Variants in MYCBP2 observed in about 807,000 individuals in gnomAD.
The protein encoded by MYCBP2 is MYC binding protein 2.
In MYCBP2, 120 loss-of-function variants were observed where a neutral mutation model predicts 525.3. That is an observed-to-expected ratio of 0.23 (90% CI 0.20 to 0.27). MYCBP2 has a LOEUF of 0.27. Among genes scored for constraint, MYCBP2 ranks in the 10% least tolerant of loss-of-function variants. The pLI, the probability that MYCBP2 is intolerant of heterozygous loss-of-function variation, is 1.00. For missense variants in MYCBP2, 4,149 were observed against 5,657.1 expected, an observed-to-expected ratio of 0.73 and a Z score of 8.55; for synonymous variants, 1,894 against 1,955.8, an observed-to-expected ratio of 0.97 and a Z score of 0.83.
chr13:77,185,469 A>C, intron 31 of MYCBP2, 92 bp from the exon 32 acceptor site: 1 of 1,250,478 alleles, frequency 8.0e-7, no homozygotes, highest in Non-Finnish European at 1.1e-6. Flanking sequence ...CTATACAGCT[A>C]AGTATCACAA....
In MYCBP2 at chr13:77,126,478, G is replaced by A; in HGVS notation, c.7724C>T (p.Thr2575Ile). The part of the protein sequence containing the change: ...DINSCCPQEA[T>I]MQEQDMPFLR... ...GAATGGCATATCTTGTTCTTGCATT[G>A]TTGCTTCCTGTGGGCAGCAGGAGTT... Residue 2575 changes from threonine to isoleucine, a missense_variant, in exon 53 of 83, where the codon ACA (threonine) becomes ATA (isoleucine). Thr to Ile is a moderately conservative substitution (Grantham distance 89, BLOSUM62 -1). Coordinates refer to ENST00000544440, the MANE Select transcript of MYCBP2 (RefSeq NM_015057.5). 1.2e-6 allele frequency: 2 copies of A among 1,613,874 alleles called. No homozygotes were observed. The highest frequency in any genetic ancestry group is 2.2e-5 in the East Asian group (1 of 44,874).
intron 49 of MYCBP2, among the ~76,000 whole-genome samples, chr13:77,141,770 CA>C (rs34124996): frequency 0.26 from 21,128 of 81,610 alleles, 1,494 homozygotes; most frequent in South Asian, 0.48. Flanking sequence ...GACTCTGTCT[CA>C]AAAAAAAAAA....
At chr13:77,172,293 A>C (rs1280183822) in intron 37 of MYCBP2, among the ~76,000 whole-genome samples, 1 of 152,178 alleles carries the variant, frequency 6.6e-6, no homozygotes, top group Non-Finnish European at 1.5e-5. Flanking sequence ...AAGGAACAGA[A>C]TGAAGACATG....
chr13:77,168,711 T>C, intron 39 of MYCBP2, 65 bp from the exon 40 acceptor site: 1 of 1,412,596 alleles, frequency 7.1e-7, no homozygotes, highest in Non-Finnish European at 9.9e-7. Context: ...AATTATGCAT[T>C]ACAATAATTG....
intron 3 of MYCBP2, among the ~76,000 whole-genome samples, chr13:77,279,569 A>G (rs1413383631): frequency 6.6e-6 from 1 of 152,208 alleles, no homozygotes; most frequent in African/African-American, 2.4e-5. Flanking sequence ...CCAGTTCAAG[A>G]AGTATTAATT....
At chr13:77,125,519 T>A (rs772760884) in intron 53 of MYCBP2, 51 bp from the exon 54 acceptor site, 11 of 1,603,940 alleles carry the variant, frequency 6.9e-6, no homozygotes, top group Non-Finnish European at 5.1e-6. Flanking sequence ...TTCAGGGAAC[T>A]CAGTCTGAAA....
Position 77,061,783 on chromosome 13 carries a change from C to A in MYCBP2, c.12782G>T (p.Cys4261Phe). 6.3e-7 allele frequency: 1 copy of A among 1,594,172 alleles called. No individual in the cohort carries two copies. The highest frequency in any genetic ancestry group is 1.7e-5 in the Admixed American group (1 of 59,086). ...KDGQQKQMPM[C>F]DNHDDGETAA... is the part of the protein sequence containing the mutation. Reference sequence around the variant, plus strand: ...AGTTTCACCATCATCATGGTTATCACACATAGGCTAAAATAAGACATTTCC... The same window carrying A: ...AGTTTCACCATCATCATGGTTATCAAACATAGGCTAAAATAAGACATTTCC... The change falls in exon 75 of 83, where the codon TGT becomes TTT. Residue 4261 changes from cysteine (C) to phenylalanine (F), a missense_variant. Cys to Phe is a radical substitution (Grantham distance 205). This residue lies in a region of MYCBP2 where 220 missense variants were observed against 396.0 expected (regional missense o/e 0.56). Transcript: ENST00000544440.
At chr13:77,106,256 T>C (rs1440625231) in intron 55 of MYCBP2, among the ~76,000 whole-genome samples, 1 of 152,190 alleles carries the variant, frequency 6.6e-6, no homozygotes, top group African/African-American at 2.4e-5. Flanking sequence ...TTAAATTTCA[T>C]GAGTAAAAAT....
intron 55 of MYCBP2, among the ~76,000 whole-genome samples, chr13:77,113,837 C>T (rs995207934): frequency 2.6e-4 from 39 of 152,102 alleles, no homozygotes; most frequent in African/African-American, 9.2e-4. Flanking sequence ...AGATGTTAGC[C>T]CCAAAACTAA....
At chr13:77,312,365 A>G (rs949225752) in intron 1 of MYCBP2, among the ~76,000 whole-genome samples, 1 of 152,078 alleles carries the variant, frequency 6.6e-6, no homozygotes, top group African/African-American at 2.4e-5. Context: ...AGTACACATG[A>G]CTGTCGACAA....
At chr13:77,305,811 AG>A (rs2079347986) in intron 1 of MYCBP2, among the ~76,000 whole-genome samples, 1 of 152,194 alleles carries the variant, frequency 6.6e-6, no homozygotes, top group African/African-American at 2.4e-5. Flanking sequence ...CAATAGAAAC[AG>A]AAAAAGTATT....
chr13:77,248,142 C>CA (rs71203041), intron 15 of MYCBP2, among the ~76,000 whole-genome samples: 52,607 of 141,434 alleles, frequency 0.37, 11,983 homozygotes, highest in African/African-American at 0.62. Context: ...AAAGTATAAT[C>CA]AAAAAAAAAA....
In MYCBP2 at chr13:77,144,240, A is replaced by C. The variant is rs76340465; in HGVS notation, c.7303+205T>G. On this transcript the variant is annotated intron_variant, in intron 49 of 82. Transcript: ENST00000544440. ...GGAGGGAGAGAGTCATGAGGGCTAC[A>C]GTGCCTGGGCGGACACCAGAAATTA... is the stretch of plus-strand genomic sequence containing the variant. 2.3e-3 allele frequency: 1,258 copies of C among 542,642 alleles called. 9 individuals are homozygous for C. The highest frequency in any genetic ancestry group is 0.021 in the African/African-American group (1,121 of 52,680). 33.6% of individuals were successfully genotyped at this position (542,642 alleles called of 1,614,324 possible). A position where few individuals can be genotyped will look rare whatever the true frequency, so the allele number is the denominator to read the frequency against.
At chr13:77,281,094 A>T (rs1227582226) in intron 3 of MYCBP2, among the ~76,000 whole-genome samples, 1 of 152,182 alleles carries the variant, frequency 6.6e-6, no homozygotes, top group Admixed American at 6.5e-5. Flanking sequence ...TTGAACTTTG[A>T]AAGTAGACTT....
chr13:77,206,417 G>A (rs983789670), intron 24 of MYCBP2, among the ~76,000 whole-genome samples: 1 of 151,444 alleles, frequency 6.6e-6, no homozygotes, highest in African/African-American at 2.4e-5. Context: ...TTATTTTTAA[G>A]GGTCTACCTC....
Position 77,065,906 on chromosome 13 carries a change from C to T in MYCBP2, c.12552+86G>A, listed in dbSNP as rs1166119536. ...CTTTAAGTAAAGTTACACTAATCTA[C>T]ATCTCCTATCAATTCAGCAGAGTAA... is the stretch of plus-strand genomic sequence containing the variant. On this transcript the variant is annotated intron_variant, in intron 72 of 82. Coordinates refer to ENST00000544440, the MANE Select transcript of MYCBP2 (RefSeq NM_015057.5). 8.2e-6 allele frequency: 7 copies of T among 858,134 alleles called. No individual in the cohort carries two copies. In the Admixed American group the frequency reaches 1.4e-4, roughly 17 times the overall value. 53.2% of individuals were successfully genotyped at this position (858,134 alleles called of 1,614,324 possible).
At chr13:77,235,779 A>T (rs540521825) in intron 17 of MYCBP2, among the ~76,000 whole-genome samples, 1 of 152,282 alleles carries the variant, frequency 6.6e-6, no homozygotes, top group Admixed American at 6.5e-5. Flanking sequence ...GAGGCACACA[A>T]ACTAGAGGAG....
At chr13:77,145,413 A>C (rs571910918) in intron 48 of MYCBP2, among the ~76,000 whole-genome samples, 1 of 152,186 alleles carries the variant, frequency 6.6e-6, no homozygotes, top group Admixed American at 6.5e-5. Flanking sequence ...CGTTTAATTT[A>C]AGGAATGCCC....
Position 77,243,933 on chromosome 13 carries a change from G to A in MYCBP2, c.2400C>T (p.Ser800=), listed in dbSNP as rs148754778. The A allele has an allele frequency of 9.7e-5, 151 of 1,557,630 alleles. No individual in the cohort carries two copies. The African/African-American group carries it at 1.5e-3, about 15-fold the overall frequency. The change falls in exon 16 of 83, where the codon TCC becomes TCT. Residue 800 remains serine (S), a synonymous_variant. Coordinates refer to ENST00000544440, the MANE Select transcript of MYCBP2 (RefSeq NM_015057.5). ...RVPGGICGCG[S]GESGCAVCGC... The stretch of plus-strand genomic sequence containing the variant: ...CACACACAGCACAACCAGATTCTCC[G>A]GAACCACAACCACAGATCCTAGGGG...
Sources: gnomAD v4.1 joint callset for allele counts (sites outside exome capture counted in the v4.1 genomes callset) on GRCh38, gnomAD v4.1.1 for gene constraint, gnomAD v4.1.1 regional missense constraint, MANE v1.5 for transcripts, NCBI Gene and HGNC (gene_info 2026-07-23, HGNC 2026-07-21) for gene names.